Variants in PEX5L observed in about 807,000 individuals in gnomAD.
PEX5L encodes peroxisomal biogenesis factor 5 like, also known as PEX5-related protein.
A neutral mutation model predicts 84.0 loss-of-function variants in PEX5L; 30 were observed. The ratio of observed to expected loss-of-function variants is 0.36; its 90% CI spans 0.27 to 0.48. The LOEUF (loss-of-function observed/expected upper bound fraction) is 0.48. Ranked by LOEUF, PEX5L falls within the 20% of genes least tolerant of loss-of-function variation. PEX5L has a pLI of 0.99. For synonymous variants in PEX5L, 270 were observed against 283.1 expected, an observed-to-expected ratio of 0.95 and a Z score of 0.46; for missense variants, 533 against 754.6, an observed-to-expected ratio of 0.71 and a Z score of 3.44.
intron 8 of PEX5L, among the ~76,000 whole-genome samples, chr3:179,827,344 C>G (rs985658652): frequency 2.0e-5 from 3 of 152,182 alleles, no homozygotes; most frequent in Non-Finnish European, 4.4e-5. Context: ...GCCTCAAAGG[C>G]CCCATGGAGG....
At chr3:179,833,512 T>C (rs1733882120) in intron 8 of PEX5L, among the ~76,000 whole-genome samples, 1 of 152,216 alleles carries the variant, frequency 6.6e-6, no homozygotes, top group Non-Finnish European at 1.5e-5. Context: ...TTGGCAAATA[T>C]TATCTAGGTT....
At chr3:179,932,031 C>G (rs1324977558) in intron 2 of PEX5L, among the ~76,000 whole-genome samples, 1 of 152,012 alleles carries the variant, frequency 6.6e-6, no homozygotes, top group Non-Finnish European at 1.5e-5. Context: ...ATATGTTTAT[C>G]CTAATCTTAT....
chr3:179,909,901 C>G (rs1263571296), intron 2 of PEX5L, among the ~76,000 whole-genome samples: 4 of 152,198 alleles, frequency 2.6e-5, no homozygotes, highest in Admixed American at 2.6e-4. Context: ...TGATCTCAAG[C>G]CTTCAGCCTC....
intron 8 of PEX5L, among the ~76,000 whole-genome samples, chr3:179,848,611 A>T (rs1198448119): frequency 6.6e-6 from 1 of 152,080 alleles, no homozygotes; most frequent in African/African-American, 2.4e-5. Context: ...CAGTAAAATA[A>T]ATGTGTGCAT....
intron 2 of PEX5L, among the ~76,000 whole-genome samples, chr3:179,932,292 G>T (rs1270637907): frequency 6.6e-6 from 1 of 152,028 alleles, no homozygotes; most frequent in Non-Finnish European, 1.5e-5. Context: ...ATTATAAAGA[G>T]ATATATGTAA....
chr3:179,833,448 C>G (rs966957093), intron 8 of PEX5L, among the ~76,000 whole-genome samples: 18 of 152,214 alleles, frequency 1.2e-4, no homozygotes, highest in Admixed American at 9.8e-4. Context: ...TCCCCTCAAC[C>G]CTCTCTGCCT....
chr3:179,905,474 CGTG>C (rs1762860571), intron 2 of PEX5L, among the ~76,000 whole-genome samples: 1 of 152,010 alleles, frequency 6.6e-6, no homozygotes, highest in Non-Finnish European at 1.5e-5. Flanking sequence ...GGGGTTTCAC[CGTG>C]TTAGCCAGGA....
chr3:179,869,069 T>C (rs1320585888), intron 7 of PEX5L, among the ~76,000 whole-genome samples: 1 of 152,206 alleles, frequency 6.6e-6, no homozygotes, highest in Non-Finnish European at 1.5e-5. Context: ...ATTAAGACTA[T>C]GTGAATGGAA....
chr3:180,018,577 G>A lies in PEX5L; in HGVS notation c.21+18002C>T, dbSNP rs190207666. On this transcript the variant is annotated intron_variant, in intron 1 of 14. Coordinates refer to ENST00000467460, the MANE Select transcript of PEX5L (RefSeq NM_016559.3). ...AGCGCCAATATTTATGGCTGTGCAA[G>A]TCATTTCCAAACCTGCCTTTCATTT... is the stretch of plus-strand genomic sequence containing the variant. 1.7e-3 allele frequency among the ~76,000 whole-genome samples: 263 copies of A among 152,324 alleles called. 1 individual carries two copies. The highest frequency in any genetic ancestry group is 4.8e-3 in the Admixed American group (73 of 15,300).
chr3:179,836,669 G>A (rs1276100736), intron 8 of PEX5L, among the ~76,000 whole-genome samples: 1 of 152,164 alleles, frequency 6.6e-6, no homozygotes, highest in Non-Finnish European at 1.5e-5. Context: ...TAGACGCTAT[G>A]CTTATTCATG....
rs1577750392 is a variant in PEX5L, at chr3:179,863,519, AG to A, written c.727-4363del. ...AACAACTTGATTTAAAAATGGGAAA[AG>A]GACCTGAATGGACATTTCTCAAAAG... On this transcript the variant is annotated intron_variant, in intron 7 of 14. Transcript: ENST00000467460. 2.0e-5 allele frequency among the ~76,000 whole-genome samples: 3 copies of A among 152,278 alleles called. No homozygotes were observed. In the East Asian group the frequency reaches 5.8e-4, roughly 29 times the overall value.
At chr3:179,904,821 C>T (rs898735334) in intron 2 of PEX5L, among the ~76,000 whole-genome samples, 4 of 151,936 alleles carry the variant, frequency 2.6e-5, no homozygotes, top group African/African-American at 7.3e-5. Flanking sequence ...GAGTTGGGGT[C>T]GTCTCCTCGA....
chr3:179,859,209 T>C (rs749369427), intron 7 of PEX5L, 52 bp from the exon 8 acceptor site: 26 of 1,318,620 alleles, frequency 2.0e-5, no homozygotes, highest in Non-Finnish European at 2.6e-5. Flanking sequence ...CATGTTATTA[T>C]AGAAATATAC....
intron 1 of PEX5L, among the ~76,000 whole-genome samples, chr3:179,985,797 T>C (rs1369432838): frequency 1.3e-5 from 2 of 152,086 alleles, no homozygotes; most frequent in Non-Finnish European, 2.9e-5. Flanking sequence ...CTGGGGGCCT[T>C]TCTGCCTCCC....
intron 1 of PEX5L, among the ~76,000 whole-genome samples, chr3:179,972,935 C>A (rs1785125934): frequency 6.6e-6 from 1 of 152,092 alleles, no homozygotes; most frequent in African/African-American, 2.4e-5. Context: ...GAACAGATGG[C>A]CACAGCATTT....
At chr3:179,959,448 T>C (rs1342533552) in intron 2 of PEX5L, among the ~76,000 whole-genome samples, 1 of 152,230 alleles carries the variant, frequency 6.6e-6, no homozygotes, top group Non-Finnish European at 1.5e-5. Flanking sequence ...AGGCCGTGAC[T>C]ATGGTTATGT....
intron 1 of PEX5L, among the ~76,000 whole-genome samples, chr3:180,024,742 G>A (rs1031249160): frequency 6.6e-6 from 1 of 152,022 alleles, no homozygotes; most frequent in Non-Finnish European, 1.5e-5. Flanking sequence ...GGGGAGGTCA[G>A]GGCTGGGGGT....
At chr3:179,862,363 T>A (rs1328119101) in intron 7 of PEX5L, among the ~76,000 whole-genome samples, 3 of 152,206 alleles carry the variant, frequency 2.0e-5, no homozygotes, top group East Asian at 1.9e-4. Flanking sequence ...GTATATTCGA[T>A]GAACAAATAT....
intron 1 of PEX5L, among the ~76,000 whole-genome samples, chr3:180,008,546 C>T (rs777113088): frequency 2.2e-4 from 34 of 152,098 alleles, no homozygotes; most frequent in African/African-American, 7.2e-4. Context: ...TGTATTAGTT[C>T]GTTTTGATGC....
Sources: allele counts gnomAD v4.1 joint callset (sites outside exome capture counted in the v4.1 genomes callset), GRCh38; gene constraint gnomAD v4.1.1; transcripts MANE v1.5; gene names NCBI Gene and HGNC (gene_info 2026-07-23, HGNC 2026-07-21).